Variants in WIPI1 observed in about 807,000 individuals in gnomAD.
WIPI1 encodes the protein WD repeat domain, phosphoinositide interacting 1, also known as WD repeat domain phosphoinositide-interacting protein 1.
WIPI1 carries 45 observed loss-of-function variants against 55.3 expected under a neutral mutation model. The ratio of observed to expected loss-of-function variants is 0.81; its 90% CI spans 0.64 to 1.04. The LOEUF (loss-of-function observed/expected upper bound fraction) is 1.04, where lower values mean the gene tolerates loss of function less well. WIPI1 is among the 50% of genes least tolerant of loss of function. The pLI is 0.00. For missense variants in WIPI1, 445 were observed against 559.0 expected, an observed-to-expected ratio of 0.80 and a Z score of 2.06; for synonymous variants, 195 against 217.6, an observed-to-expected ratio of 0.90 and a Z score of 0.92.
chr17:68,455,687 G>C (rs1184169845), intron 1 of WIPI1, among the ~76,000 whole-genome samples: 1 of 152,188 alleles, frequency 6.6e-6, no homozygotes, highest in Non-Finnish European at 1.5e-5. Flanking sequence ...AGGGAGTAAG[G>C]AAATTAACTT....
intron 9 of WIPI1, 77 bp from the exon 10 acceptor site, chr17:68,429,013 C>T: frequency 2.8e-6 from 3 of 1,078,854 alleles, no homozygotes; most frequent in South Asian, 2.7e-5. Context: ...CAAAGCCCCC[C>T]TCACCCTAGC....
intron 8 of WIPI1, among the ~76,000 whole-genome samples, chr17:68,431,910 C>T (rs976612646): frequency 5.3e-5 from 8 of 152,228 alleles, no homozygotes; most frequent in Admixed American, 3.9e-4. Flanking sequence ...GCAGCAATTG[C>T]GATCACTCAC....
chr17:68,430,323 C>T (rs1035744196), intron 8 of WIPI1, among the ~76,000 whole-genome samples, 163 bp from the exon 9 acceptor site: 97 of 152,296 alleles, frequency 6.4e-4, no homozygotes, highest in African/African-American at 2.2e-3. Flanking sequence ...ACGTATTATT[C>T]TGGCAATAAC....
At position 68,435,632 on chromosome 17, in the gene WIPI1, A is replaced by G. The variant is rs1279432264; in HGVS notation, c.609T>C (p.Ser203=). 2.5e-6 allele frequency: 4 copies of G among 1,614,130 alleles called. No homozygotes were observed. The highest frequency in any genetic ancestry group is 2.2e-5 in the East Asian group (1 of 44,880). ...TFNASGSKLA[S]ASEKGTVIRV... ...GGAGTGGACTCACTTTTTCAGACGC[A>G]CTTGCTAGTTTGGAGCCTGAGGCAT... is the stretch of plus-strand genomic sequence containing the variant. The change falls in exon 6 of 13, where the codon AGT becomes AGC. Residue 203 remains serine, a synonymous_variant. Coordinates refer to ENST00000262139, the MANE Select transcript of WIPI1 (RefSeq NM_017983.7).
At position 68,447,915 on chromosome 17, in the gene WIPI1, C is replaced by T. The variant is rs1240355985; in HGVS notation, c.333+2813G>A. ...GGGTGAGGCAGGAGAATTGCTTGAA[C>T]ACGGGAGGTAGAGGTTGTGGTGAGC... On this transcript the variant is annotated intron_variant, in intron 3 of 12. Transcript: ENST00000262139. Among the ~76,000 whole-genome samples, 4 of 143,790 alleles carry T rather than the reference C, an allele frequency of 2.8e-5. No homozygotes were observed. The South Asian group carries it at 8.7e-4, about 31-fold the overall frequency. The allele number at this position is 143,790 out of a possible 152,430, so 94.3% of individuals were successfully genotyped here. A position where few individuals can be genotyped will look rare whatever the true frequency, so the allele number is the denominator to read the frequency against.
chr17:68,437,252 T>C (rs957747896), intron 4 of WIPI1, among the ~76,000 whole-genome samples: 2 of 152,100 alleles, frequency 1.3e-5, no homozygotes, highest in Non-Finnish European at 1.5e-5. Flanking sequence ...CAAGAACCTA[T>C]TTAGAAACTG....
chr17:68,430,198 G>T (rs541056737), intron 8 of WIPI1, 38 bp from the exon 9 acceptor site: 3 of 1,577,006 alleles, frequency 1.9e-6, no homozygotes, highest in African/African-American at 1.4e-5. Flanking sequence ...GGACTGGGCT[G>T]CAGGCCCCAC....
intron 4 of WIPI1, chr17:68,441,209 CCT>C (rs745393685): frequency 2.0e-5 from 3 of 152,324 alleles, no homozygotes; most frequent in African/African-American, 4.8e-5. Context: ...ACTTCGAGCC[CCT>C]GTCTGGCCAA....
intron 12 of WIPI1, 175 bp from the exon 13 acceptor site, chr17:68,421,995 T>C (rs1243695211): frequency 1.4e-6 from 1 of 690,348 alleles, no homozygotes; most frequent in African/African-American, 1.8e-5. Flanking sequence ...TATTTAGGTG[T>C]AGACAAGTAT....
chr17:68,429,881 G>C, intron 9 of WIPI1, 115 bp downstream of exon 9: 2 of 1,486,572 alleles, frequency 1.3e-6, no homozygotes, highest in Non-Finnish European at 1.8e-6. Flanking sequence ...AAGCCACCGT[G>C]CCCAGCCTGG....
intron 11 of WIPI1, 79 bp from the exon 12 acceptor site, chr17:68,426,254 G>GGGGGGGGGGGT: frequency 3.7e-6 from 3 of 816,924 alleles, no homozygotes; most frequent in South Asian, 2.7e-5. Context: ...GGGAGCGGGG[G>GGGGGGGGGGGT]CTCAAATAAA....
chr17:68,450,357 T>C (rs985672355), intron 3 of WIPI1, among the ~76,000 whole-genome samples: 28 of 152,126 alleles, frequency 1.8e-4, no homozygotes, highest in African/African-American at 6.8e-4. Context: ...TGAATGACAC[T>C]ATCTAGGGCA....
chr17:68,455,438 A>T (rs1210032739), intron 1 of WIPI1, among the ~76,000 whole-genome samples: 5 of 152,100 alleles, frequency 3.3e-5, no homozygotes, highest in Admixed American at 2.6e-4. Flanking sequence ...GGGGACTGGT[A>T]AGGGTTTGCT....
At chr17:68,426,207 A>C in intron 11 of WIPI1, 32 bp from the exon 12 acceptor site, 1 of 1,352,518 alleles carries the variant, frequency 7.4e-7, no homozygotes, top group Non-Finnish European at 1.0e-6. Flanking sequence ...TGAAACAAGC[A>C]CTGGGGATCT....
rs2083790481 is a variant in WIPI1, at chr17:68,436,449, T to C, written c.461A>G (p.Asn154Ser). ...GLCALSINHS[N>S]SYLAYPGSLT... ...GCTTCCAGGATAGGCCAGGTAAGAATTGGAATGGTTGATAGAGAGAGCACA... is the reference window on the plus strand; with the variant it reads ...GCTTCCAGGATAGGCCAGGTAAGAACTGGAATGGTTGATAGAGAGAGCACA... Residue 154 changes from asparagine (N) to serine (S), a missense_variant, in exon 5 of 13, where the codon AAT becomes AGT. Physicochemically the swap from Asn to Ser is conservative, Grantham distance 46. Coordinates refer to ENST00000262139, the MANE Select transcript of WIPI1 (RefSeq NM_017983.7). 3.7e-6 allele frequency: 6 copies of C among 1,613,758 alleles called. No individual in the cohort carries two copies. The highest frequency in any genetic ancestry group is 2.2e-5 in the East Asian group (1 of 44,888).
chr17:68,425,091 G>C (rs2049434071), intron 12 of WIPI1, among the ~76,000 whole-genome samples: 1 of 152,208 alleles, frequency 6.6e-6, no homozygotes, highest in African/African-American at 2.4e-5. Flanking sequence ...CACTCAGCCA[G>C]CCCCGAGGGC....
chr17:68,455,713 G>A (rs980172680), intron 1 of WIPI1, among the ~76,000 whole-genome samples: 7 of 152,272 alleles, frequency 4.6e-5, no homozygotes, highest in South Asian at 4.1e-4. Flanking sequence ...GCACCCTACC[G>A]TTTTGAAAAT....
intron 2 of WIPI1, among the ~76,000 whole-genome samples, chr17:68,452,091 T>A (rs183857103): frequency 2.6e-4 from 40 of 152,342 alleles, no homozygotes; most frequent in African/African-American, 9.4e-4. Flanking sequence ...GCATAAACCA[T>A]CACCCTGACA....
At chr17:68,453,022 A>G in intron 1 of WIPI1, 30 bp from the exon 2 acceptor site, 1 of 1,565,856 alleles carries the variant, frequency 6.4e-7, no homozygotes, top group Non-Finnish European at 8.8e-7. Context: ...CATGGGAATA[A>G]CGACAGGTAT....
Sources: allele counts gnomAD v4.1 joint callset (sites outside exome capture counted in the v4.1 genomes callset), GRCh38; gene constraint gnomAD v4.1.1; transcripts MANE v1.5; gene names NCBI Gene and HGNC (gene_info 2026-07-23, HGNC 2026-07-21).